The following TMEM132D variants were observed in gnomAD, a reference collection of about 807,000 sequenced individuals.
TMEM132D encodes transmembrane protein 132D.
In TMEM132D, 21 loss-of-function variants were observed where a neutral mutation model predicts 62.3. The observed-to-expected ratio is 0.34, with a 90% CI of 0.24 to 0.49. The LOEUF (loss-of-function observed/expected upper bound fraction) is 0.49. Among genes scored for constraint, TMEM132D ranks in the 20% least tolerant of loss-of-function variants. The pLI, the probability that TMEM132D is intolerant of heterozygous loss-of-function variation, is 0.99. For missense variants in TMEM132D, 1,346 were observed against 1,402.8 expected, an observed-to-expected ratio of 0.96 and a Z score of 0.65; for synonymous variants, 621 against 575.6, an observed-to-expected ratio of 1.08 and a Z score of -1.13.
At chr12:129,387,287 G>T (rs1871133929) in intron 3 of TMEM132D, among the ~76,000 whole-genome samples, 1 of 120,468 alleles carries the variant, frequency 8.3e-6, no homozygotes, top group Non-Finnish European at 1.7e-5. Context: ...AATAGTATGT[G>T]CCAATGCCAA....
intron 5 of TMEM132D, among the ~76,000 whole-genome samples, chr12:129,184,294 A>G (rs1878159034): frequency 6.6e-6 from 1 of 152,306 alleles, no homozygotes; most frequent in Non-Finnish European, 1.5e-5. Flanking sequence ...ATAAATTACC[A>G]ACATCAACAC....
chr12:129,563,218 T>C (rs1461364002), intron 2 of TMEM132D, among the ~76,000 whole-genome samples: 3 of 152,214 alleles, frequency 2.0e-5, no homozygotes, highest in Non-Finnish European at 4.4e-5. Context: ...TCCAAAGTAA[T>C]GTTTAAACAT....
At chr12:129,465,096 C>A (rs1873839631) in intron 3 of TMEM132D, among the ~76,000 whole-genome samples, 1 of 152,046 alleles carries the variant, frequency 6.6e-6, no homozygotes, top group Admixed American at 6.5e-5. Context: ...ATTCTTCCTA[C>A]CCATGAGCAT....
intron 4 of TMEM132D, among the ~76,000 whole-genome samples, chr12:129,218,430 A>G (rs1879268657): frequency 6.6e-6 from 1 of 152,202 alleles, no homozygotes; most frequent in Admixed American, 6.5e-5. Flanking sequence ...TTCCTGGGCT[A>G]CACATCTGTA....
At chr12:129,605,605 A>ATATATATATATATATATATATATATATG (rs11267475) in intron 2 of TMEM132D, among the ~76,000 whole-genome samples, 1 of 26,700 alleles carries the variant, frequency 3.7e-5, no homozygotes, top group Non-Finnish European at 8.6e-5. Context: ...ATATATATAT[A>ATATATATATATATATATATATATATATG]CACACACATA....
intron 2 of TMEM132D, among the ~76,000 whole-genome samples, chr12:129,582,526 TG>T (rs1377120857): frequency 6.6e-6 from 1 of 152,210 alleles, no homozygotes; most frequent in African/African-American, 2.4e-5. Flanking sequence ...GGCTGGCTGC[TG>T]GGGTTTGTAC....
chr12:129,522,040 C>T (rs11060389), intron 3 of TMEM132D, among the ~76,000 whole-genome samples: 34,141 of 151,814 alleles, frequency 0.22, 4,109 homozygotes, highest in East Asian at 0.44. Context: ...TAATTTATAA[C>T]GCAAGAGCTT....
At chr12:129,108,112 C>G (rs561376440) in intron 5 of TMEM132D, among the ~76,000 whole-genome samples, 1 of 152,160 alleles carries the variant, frequency 6.6e-6, no homozygotes, top group African/African-American at 2.4e-5. Flanking sequence ...AAAATAATCA[C>G]TCCTGAAAAT....
intron 2 of TMEM132D, among the ~76,000 whole-genome samples, chr12:129,587,679 C>T (rs1428883360): frequency 6.6e-6 from 1 of 152,124 alleles, no homozygotes; most frequent in Non-Finnish European, 1.5e-5. Flanking sequence ...GACACCTTGA[C>T]ATTCACCTTA....
intron 3 of TMEM132D, among the ~76,000 whole-genome samples, chr12:129,429,837 G>GT (rs1207814615): frequency 2.7e-5 from 4 of 150,294 alleles, no homozygotes; most frequent in Non-Finnish European, 4.4e-5. Flanking sequence ...GCGGTGTTTG[G>GT]TTTTTTGTCC....
At chr12:129,692,232 C>T (rs1205761971) in intron 2 of TMEM132D, among the ~76,000 whole-genome samples, 3 of 152,152 alleles carry the variant, frequency 2.0e-5, no homozygotes, top group Non-Finnish European at 2.9e-5. Flanking sequence ...GAATTACACA[C>T]CACACTCAAG....
At chr12:129,597,299 C>T (rs1169514820) in intron 2 of TMEM132D, among the ~76,000 whole-genome samples, 1 of 152,108 alleles carries the variant, frequency 6.6e-6, no homozygotes, top group Admixed American at 6.5e-5. Flanking sequence ...GTGATATACT[C>T]CTGTTTACTT....
intron 3 of TMEM132D, among the ~76,000 whole-genome samples, chr12:129,465,830 G>A (rs1255385292): frequency 9.9e-5 from 15 of 152,074 alleles, no homozygotes; most frequent in African/African-American, 3.6e-4. Context: ...TCACAGTCAC[G>A]TACCACCACA....
At chr12:129,757,884 C>T (rs895916345) in intron 1 of TMEM132D, among the ~76,000 whole-genome samples, 10 of 152,036 alleles carry the variant, frequency 6.6e-5, no homozygotes, top group African/African-American at 2.2e-4. Context: ...GTCTGCCATA[C>T]TGGCTTTATT....
chr12:129,621,016 A>C (rs1879051788), intron 2 of TMEM132D, among the ~76,000 whole-genome samples: 1 of 152,212 alleles, frequency 6.6e-6, no homozygotes, highest in Non-Finnish European at 1.5e-5. Context: ...AAGTCAGGTC[A>C]CATCATGCCC....
chr12:129,754,183 G>T (rs561659076), intron 1 of TMEM132D, among the ~76,000 whole-genome samples: 4 of 152,276 alleles, frequency 2.6e-5, no homozygotes, highest in South Asian at 4.1e-4. Flanking sequence ...TCTTCACCCC[G>T]CCTGACCTTA....
At chr12:129,698,769 A>G (rs893277874) in intron 2 of TMEM132D, among the ~76,000 whole-genome samples, 12 of 140,672 alleles carry the variant, frequency 8.5e-5, no homozygotes, top group Non-Finnish European at 1.6e-4. Flanking sequence ...GGGAGGGAGA[A>G]AGAGAGAGGG....
chr12:129,385,043 T>C (rs989776709), intron 3 of TMEM132D, among the ~76,000 whole-genome samples: 12 of 151,016 alleles, frequency 7.9e-5, no homozygotes, highest in African/African-American at 2.7e-4. Context: ...CACAGTTTTG[T>C]CCATCCTGCC....
chr12:129,322,537 T>A (rs149478226), intron 4 of TMEM132D, among the ~76,000 whole-genome samples: 1 of 152,308 alleles, frequency 6.6e-6, no homozygotes, highest in African/African-American at 2.4e-5. Flanking sequence ...CTGAATCGTT[T>A]CTCGGTGGTT....
Sources: gnomAD v4.1 joint callset for allele counts (sites outside exome capture counted in the v4.1 genomes callset) on GRCh38, gnomAD v4.1.1 for gene constraint, MANE v1.5 for transcripts, NCBI Gene and HGNC (gene_info 2026-07-23, HGNC 2026-07-21) for gene names.